THADA: variants seen among roughly 807,000 people sequenced by gnomAD.
THADA encodes the protein tRNA (32-2'-O)-methyltransferase regulator THADA.
THADA carries 213 observed loss-of-function variants against 219.8 expected under a neutral mutation model. That is an observed-to-expected ratio of 0.97 (90% CI 0.87 to 1.09). The LOEUF is 1.09. Ranked by LOEUF, THADA falls within the 50% of genes least tolerant of loss-of-function variation. THADA has a pLI of 0.00. For synonymous variants in THADA, 1,018 were observed against 828.9 expected, an observed-to-expected ratio of 1.23 and a Z score of -3.92; for missense variants, 2,956 against 2,311.3, an observed-to-expected ratio of 1.28 and a Z score of -5.72.
intron 28 of THADA, among the ~76,000 whole-genome samples, chr2:43,417,037 C>CTTTTTTTTTTTTTTT (rs67993873): frequency 1.1e-5 from 1 of 93,780 alleles, no homozygotes; most frequent in Admixed American, 1.2e-4. Flanking sequence ...TGGCTGTTTT[C>CTTTTTTTTTTTTTTT]TTTTTTTTTT....
At position 43,237,618 on chromosome 2, in the gene THADA, C is replaced by T. The variant is rs570831851; in HGVS notation, c.5297-4736G>A. 9.2e-5 allele frequency among the ~76,000 whole-genome samples: 14 copies of T among 151,440 alleles called. No homozygotes were observed. In the South Asian group the frequency reaches 2.9e-3, roughly 32 times the overall value. ...GTTTCACCATCTTGGCCAGGCTGGT[C>T]TTGAACTCCTGACCTCGTGATCCAC... On this transcript the variant is annotated intron_variant, in intron 36 of 37. Transcript: ENST00000405975.
At chr2:43,307,001 G>A (rs1394049376) in intron 31 of THADA, among the ~76,000 whole-genome samples, 2 of 152,178 alleles carry the variant, frequency 1.3e-5, no homozygotes, top group African/African-American at 4.8e-5. Flanking sequence ...GAAGAACCAA[G>A]AGGCCTCAAG....
chr2:43,245,319 C>A (rs1019828591), intron 36 of THADA, among the ~76,000 whole-genome samples: 1 of 152,008 alleles, frequency 6.6e-6, no homozygotes, highest in African/African-American at 2.4e-5. Flanking sequence ...ACTACAGGCA[C>A]ATACCACCAC....
intron 26 of THADA, among the ~76,000 whole-genome samples, chr2:43,470,710 T>A (rs1411148912): frequency 6.6e-6 from 1 of 152,194 alleles, no homozygotes; most frequent in Non-Finnish European, 1.5e-5. Context: ...TTATTTTAAA[T>A]AAGCATATAC....
At chr2:43,349,797 C>G (rs951166520) in intron 29 of THADA, among the ~76,000 whole-genome samples, 1 of 152,222 alleles carries the variant, frequency 6.6e-6, no homozygotes, top group Admixed American at 6.5e-5. Flanking sequence ...AACCTGTCCA[C>G]TTTTGCAACT....
intron 22 of THADA, among the ~76,000 whole-genome samples, chr2:43,516,712 T>C (rs1691771871): frequency 6.6e-6 from 1 of 152,134 alleles, no homozygotes; most frequent in South Asian, 2.1e-4. Flanking sequence ...CCTTGCCTAA[T>C]AAAAAGGCAT....
At chr2:43,282,323 C>T (rs1360222170) in intron 35 of THADA, among the ~76,000 whole-genome samples, 1 of 152,134 alleles carries the variant, frequency 6.6e-6, no homozygotes, top group Non-Finnish European at 1.5e-5. Flanking sequence ...AGAAAAATGC[C>T]TGAAGTCACT....
chr2:43,345,983 A>G (rs906234991), intron 29 of THADA, among the ~76,000 whole-genome samples: 1 of 152,224 alleles, frequency 6.6e-6, no homozygotes, highest in African/African-American at 2.4e-5. Context: ...TCAGCCTACA[A>G]TTCTGTCACA....
chr2:43,448,417 A>C (rs1681855686), intron 26 of THADA, among the ~76,000 whole-genome samples: 1 of 152,134 alleles, frequency 6.6e-6, no homozygotes, highest in Non-Finnish European at 1.5e-5. Flanking sequence ...TGCTTTGATC[A>C]ATGGTTGCTG....
At chr2:43,583,861 G>A (rs1354554572) in intron 7 of THADA, among the ~76,000 whole-genome samples, 3 of 151,834 alleles carry the variant, frequency 2.0e-5, no homozygotes, top group Non-Finnish European at 2.9e-5. Flanking sequence ...AGGGCAACAC[G>A]GTAAAACCAT....
chr2:43,434,958 G>A (rs1679878908), intron 26 of THADA, among the ~76,000 whole-genome samples: 1 of 152,150 alleles, frequency 6.6e-6, no homozygotes, highest in Non-Finnish European at 1.5e-5. Context: ...CACTGCTGTG[G>A]AGTGGGAGCC....
chr2:43,267,871 G>A (rs948932232), intron 36 of THADA, among the ~76,000 whole-genome samples: 1 of 152,090 alleles, frequency 6.6e-6, no homozygotes. Flanking sequence ...TCTATACCCC[G>A]ACTAAAACAC....
intron 28 of THADA, among the ~76,000 whole-genome samples, chr2:43,418,899 C>T (rs1455109711): frequency 1.3e-5 from 2 of 151,994 alleles, no homozygotes; most frequent in Non-Finnish European, 2.9e-5. Context: ...TGAAAAGCAC[C>T]CAGTGGCTTT....
intron 25 of THADA, chr2:43,492,333 G>C (rs1458384166): frequency 6.6e-6 from 1 of 150,656 alleles, no homozygotes; most frequent in African/African-American, 2.4e-5. Context: ...AAAAAATACA[G>C]AACAGTTTGG....
chr2:43,412,963 C>A (rs1676477654), intron 28 of THADA, among the ~76,000 whole-genome samples: 1 of 152,034 alleles, frequency 6.6e-6, no homozygotes, highest in African/African-American at 2.4e-5. Flanking sequence ...TCATAACTAC[C>A]TTCAAATGAT....
chr2:43,537,861 G>A (rs1373806065), intron 21 of THADA, among the ~76,000 whole-genome samples: 1 of 150,810 alleles, frequency 6.6e-6, no homozygotes, highest in African/African-American at 2.4e-5. Context: ...GGAGGCTTAA[G>A]CCCAGGAGGT....
chr2:43,571,723 C>T lies in THADA; in HGVS notation c.2048G>A (p.Cys683Tyr), dbSNP rs1380244876. Residue 683 changes from cysteine to tyrosine, a missense_variant, in exon 13 of 38, where the codon TGT becomes TAT. Coordinates refer to ENST00000405975, the MANE Select transcript of THADA (RefSeq NM_022065.5). ...AAATTCTACCTTTTTAAGAAGAGAA[C>T]AGATCTGTTGCCGCACTCCTGGAGA... ...SQSPGVRQQI[C>Y]SLLKKLFCRI... 1 of 1,613,314 alleles carries T rather than the reference C, an allele frequency of 6.2e-7. No homozygotes were observed. The highest frequency in any genetic ancestry group is 8.5e-7 in the Non-Finnish European group (1 of 1,179,670).
At chr2:43,445,963 G>A (rs939764035) in intron 26 of THADA, among the ~76,000 whole-genome samples, 39 of 152,328 alleles carry the variant, frequency 2.6e-4, no homozygotes, top group African/African-American at 8.9e-4. Flanking sequence ...TCTTGGTCCT[G>A]GAAGAGCCCT....
At chr2:43,422,235 A>G (rs916889488) in intron 28 of THADA, among the ~76,000 whole-genome samples, 1 of 152,184 alleles carries the variant, frequency 6.6e-6, no homozygotes, top group African/African-American at 2.4e-5. Context: ...TCTATCTTCC[A>G]TTTTCCCATT....
Sources: gnomAD v4.1 joint callset for allele counts (sites outside exome capture counted in the v4.1 genomes callset) on GRCh38, gnomAD v4.1.1 for gene constraint, MANE v1.5 for transcripts, NCBI Gene and HGNC (gene_info 2026-07-23, HGNC 2026-07-21) for gene names.